TMEM131: variants seen among roughly 807,000 people sequenced by gnomAD.
TMEM131 encodes the protein transmembrane protein 131.
TMEM131 carries 66 observed loss-of-function variants against 211.6 expected under a neutral mutation model. The observed-to-expected ratio is 0.31, with a 90% confidence interval of 0.26 to 0.38. TMEM131 has a LOEUF of 0.38. Among genes scored for constraint, TMEM131 ranks in the 10% least tolerant of loss-of-function variants. The pLI is 1.00. For missense variants in TMEM131, 2,036 were observed against 2,299.3 expected (o/e 0.89, Z 2.34); for synonymous variants, 844 against 841.3 (o/e 1.00, Z -0.06).
At chr2:97,833,620 T>C (rs1682810529) in intron 10 of TMEM131, among the ~76,000 whole-genome samples, 194 bp from the exon 11 acceptor site, 1 of 151,314 alleles carries the variant, frequency 6.6e-6, no homozygotes, top group South Asian at 2.1e-4. Context: ...CTGTTCCCTC[T>C]TAAACCAGAT....
chr2:97,781,138 G>A (rs139599000), intron 31 of TMEM131, among the ~76,000 whole-genome samples: 3 of 152,220 alleles, frequency 2.0e-5, no homozygotes, highest in Non-Finnish European at 2.9e-5. Flanking sequence ...CCAGGCTCCC[G>A]GCATGGACCC....
chr2:97,880,581 A>C (rs1674884752), intron 4 of TMEM131, among the ~76,000 whole-genome samples: 1 of 152,162 alleles, frequency 6.6e-6, no homozygotes, highest in Non-Finnish European at 1.5e-5. Flanking sequence ...AGGGAAAGGG[A>C]GGAATCCAGG....
chr2:97,920,791 C>A (rs973706313), intron 2 of TMEM131, among the ~76,000 whole-genome samples: 1 of 152,246 alleles, frequency 6.6e-6, no homozygotes, highest in Middle Eastern at 3.4e-3. Flanking sequence ...AGAAATAAAT[C>A]TATCGAAAGA....
intron 1 of TMEM131, among the ~76,000 whole-genome samples, chr2:97,935,091 G>T (rs1352156943): frequency 6.6e-6 from 1 of 152,082 alleles, no homozygotes; most frequent in Non-Finnish European, 1.5e-5. Context: ...CTACGAAAAG[G>T]TATAAAATAT....
chr2:97,913,299 G>T lies in TMEM131; in HGVS notation c.250-4601C>A, dbSNP rs558732751. 2.0e-5 allele frequency among the ~76,000 whole-genome samples: 3 copies of T among 152,272 alleles called. No individual in the cohort carries two copies. The South Asian group carries it at 6.2e-4, about 32-fold the overall frequency. Reference sequence around the variant, plus strand: ...CGTACTACAACCTCAATTTTATAGAGATATCAATAATTTAGATGTTCATTT... The same window carrying T: ...CGTACTACAACCTCAATTTTATAGATATATCAATAATTTAGATGTTCATTT... On this transcript the variant is annotated intron_variant, in intron 2 of 40. Transcript: ENST00000186436.
intron 1 of TMEM131, among the ~76,000 whole-genome samples, chr2:97,943,158 A>T (rs1677878859): frequency 6.6e-6 from 1 of 152,072 alleles, no homozygotes. Context: ...TGAGGCAGAA[A>T]GATTGCTTAA....
At chr2:97,985,159 A>G (rs1449525142) in intron 1 of TMEM131, among the ~76,000 whole-genome samples, 6 of 152,304 alleles carry the variant, frequency 3.9e-5, no homozygotes, top group Non-Finnish European at 5.9e-5. Flanking sequence ...ACACAATGAA[A>G]CACTTAAGGT....
At chr2:97,874,296 C>T (rs1274744431) in intron 4 of TMEM131, among the ~76,000 whole-genome samples, 1 of 152,224 alleles carries the variant, frequency 6.6e-6, no homozygotes, top group Admixed American at 6.5e-5. Context: ...CTAGAAAACA[C>T]TCTTCAGGAT....
intron 11 of TMEM131, among the ~76,000 whole-genome samples, chr2:97,821,844 C>T (rs1459798645): frequency 6.6e-6 from 1 of 152,206 alleles, no homozygotes; most frequent in Admixed American, 6.5e-5. Flanking sequence ...CAACCCCCAA[C>T]TCTTCAGAGT....
intron 5 of TMEM131, among the ~76,000 whole-genome samples, chr2:97,851,438 G>A (rs562423280): frequency 1.3e-5 from 2 of 152,294 alleles, no homozygotes; most frequent in African/African-American, 2.4e-5. Context: ...CCTGTTGGGT[G>A]TATCTTCAAA....
chr2:97,858,952 T>C (rs1041670943), intron 5 of TMEM131, among the ~76,000 whole-genome samples: 6 of 152,346 alleles, frequency 3.9e-5, no homozygotes, highest in African/African-American at 1.4e-4. Context: ...GTGTGCTAAG[T>C]GGCTGTTGCC....
At chr2:97,763,915 G>A (rs570973765) in intron 35 of TMEM131, 1 of 152,218 alleles carries the variant, frequency 6.6e-6, no homozygotes, top group Non-Finnish European at 1.5e-5. Context: ...AGGAGTGAAG[G>A]GGAGACTCTG....
intron 1 of TMEM131, among the ~76,000 whole-genome samples, chr2:97,951,497 T>G (rs1678313427): frequency 6.6e-6 from 1 of 152,178 alleles, no homozygotes; most frequent in African/African-American, 2.4e-5. Flanking sequence ...CTATCTCTGC[T>G]GGGCCACTGT....
intron 22 of TMEM131, among the ~76,000 whole-genome samples, chr2:97,804,329 GA>G (rs1681184182): frequency 6.6e-6 from 1 of 152,104 alleles, no homozygotes; most frequent in African/African-American, 2.4e-5. Flanking sequence ...GGGCCTGTCT[GA>G]ATGGAGCCCT....
intron 10 of TMEM131, among the ~76,000 whole-genome samples, chr2:97,834,388 A>C (rs1559389225): frequency 6.6e-6 from 1 of 152,204 alleles, no homozygotes; most frequent in Non-Finnish European, 1.5e-5. Flanking sequence ...GATGACTTAA[A>C]TTATCCCATG....
intron 1 of TMEM131, among the ~76,000 whole-genome samples, chr2:97,928,127 G>A (rs914850867): frequency 2.0e-5 from 3 of 152,156 alleles, no homozygotes; most frequent in Admixed American, 6.6e-5. Context: ...CCTTAAAGCA[G>A]CTTTATTCAT....
intron 11 of TMEM131, among the ~76,000 whole-genome samples, chr2:97,830,398 A>G (rs967677062): frequency 3.3e-5 from 5 of 152,338 alleles, no homozygotes; most frequent in Non-Finnish European, 7.3e-5. Flanking sequence ...GCAAGCTTGC[A>G]TATGTTCTAA....
intron 3 of TMEM131, among the ~76,000 whole-genome samples, chr2:97,893,242 T>C (rs1015488512): frequency 6.6e-6 from 1 of 152,242 alleles, no homozygotes; most frequent in Non-Finnish European, 1.5e-5. Flanking sequence ...AATGGCTGCA[T>C]AGTATTCCAT....
intron 13 of TMEM131, 96 bp from the exon 14 acceptor site, chr2:97,814,484 T>A: frequency 1.7e-6 from 2 of 1,165,014 alleles, no homozygotes; most frequent in Non-Finnish European, 1.2e-6. Context: ...TAATTTACAT[T>A]TAGCATTAGG....
Sources: gnomAD v4.1 joint callset for allele counts (sites outside exome capture counted in the v4.1 genomes callset) on GRCh38, gnomAD v4.1.1 for gene constraint, MANE v1.5 for transcripts, NCBI Gene and HGNC (gene_info 2026-07-23, HGNC 2026-07-21) for gene names.